Variants in CYP3A43 observed in about 807,000 individuals in gnomAD.
CYP3A43 encodes cytochrome P450 family 3 subfamily A member 43.
Under a neutral mutation model 58.0 loss-of-function variants are expected in CYP3A43, and 45 were observed. The ratio of observed to expected loss-of-function variants is 0.78; its 90% confidence interval spans 0.61 to 0.99. The LOEUF (loss-of-function observed/expected upper bound fraction) is 0.99, where lower values mean the gene tolerates loss of function less well. Among genes scored for constraint, CYP3A43 ranks in the 50% least tolerant of loss-of-function variants. The pLI is 0.00. For missense variants in CYP3A43, 593 were observed against 591.9 expected (o/e 1.00, Z -0.02); for synonymous variants, 191 against 201.4 (o/e 0.95, Z 0.44).
chr7:99,850,393 C>T (rs1281260930), intron 7 of CYP3A43, among the ~76,000 whole-genome samples: 1 of 152,018 alleles, frequency 6.6e-6, no homozygotes, highest in Non-Finnish European at 1.5e-5. Flanking sequence ...TCCCAAGTAG[C>T]TGAGACTACA....
chr7:99,858,003 A>T (rs562243624), intron 9 of CYP3A43, among the ~76,000 whole-genome samples: 1 of 152,294 alleles, frequency 6.6e-6, no homozygotes, highest in South Asian at 2.1e-4. Context: ...GTGAAAAGGG[A>T]AACAGTCTAT....
Position 99,849,554 on chromosome 7 carries a change from G to C in CYP3A43, c.530G>C (p.Gly177Ala), listed in dbSNP as rs773022175. 5 of 1,599,474 alleles carry C rather than the reference G, an allele frequency of 3.1e-6. No homozygotes were observed. The South Asian group carries it at 5.7e-5, about 18-fold the overall frequency. ...SKSINLKDFF[G>A]AYTMDVITGT... ...TGTTTTACTCTACTCAGTTTCTTTG[G>C]GGCCTACACCATGGATGTAATCACT... is the stretch of plus-strand genomic sequence containing the variant. Residue 177 changes from glycine (G) to alanine (A), a missense_variant, in exon 7 of 13, where the codon GGG (glycine) becomes GCG (alanine). By Grantham distance (60) the Gly-to-Ala change is moderately conservative. Coordinates refer to ENST00000354829, the MANE Select transcript of CYP3A43 (RefSeq NM_057095.3).
At chr7:99,833,825 A>G (rs970670364) in intron 1 of CYP3A43, among the ~76,000 whole-genome samples, 3 of 152,216 alleles carry the variant, frequency 2.0e-5, no homozygotes, top group African/African-American at 7.2e-5. Context: ...TTGCCTCTAT[A>G]GTTGACTGAA....
intron 2 of CYP3A43, chr7:99,838,637 A>G (rs1222640315): frequency 6.3e-6 from 8 of 1,279,534 alleles, no homozygotes; most frequent in Non-Finnish European, 6.1e-6. Context: ...TAAATTCTCC[A>G]TTTCAAATAT....
At chr7:99,849,173 C>T (rs1043614836) in intron 6 of CYP3A43, among the ~76,000 whole-genome samples, 4 of 152,118 alleles carry the variant, frequency 2.6e-5, no homozygotes, top group East Asian at 1.9e-4. Context: ...ATTGATTGGC[C>T]GAGAAAGAGT....
Position 99,865,051 on chromosome 7 carries a change from T to C in CYP3A43, c.1417-855T>C, listed in dbSNP as rs539875563. Among the ~76,000 whole-genome samples the C allele has an allele frequency of 2.0e-5, 3 of 148,504 alleles. No individual in the cohort carries two copies. In the East Asian group the frequency reaches 5.8e-4, roughly 29 times the overall value. On this transcript the variant is annotated intron_variant, in intron 12 of 12. Coordinates refer to ENST00000354829, the MANE Select transcript of CYP3A43 (RefSeq NM_057095.3). ...AGAATAGATAGGGTTTCAATCTTAT[T>C]TGTGGCTTTAGGGAAGCTGTACATC...
intron 8 of CYP3A43, 81 bp downstream of exon 8, chr7:99,855,799 A>C (rs1817954386): frequency 6.9e-7 from 1 of 1,447,096 alleles, no homozygotes; most frequent in Non-Finnish European, 9.3e-7. Context: ...TTGTGCACTT[A>C]TCTGTGTTTT....
At chr7:99,858,738 G>A (rs962142891) in intron 9 of CYP3A43, among the ~76,000 whole-genome samples, 1 of 151,318 alleles carries the variant, frequency 6.6e-6, no homozygotes, top group African/African-American at 2.4e-5. Flanking sequence ...TGTCACCCAG[G>A]CTGGAGTGAA....
At chr7:99,853,161 G>A (rs954653585) in intron 7 of CYP3A43, among the ~76,000 whole-genome samples, 1 of 152,166 alleles carries the variant, frequency 6.6e-6, no homozygotes. Context: ...GAAAGTGTTT[G>A]TAGAATGGAT....
chr7:99,863,527 G>C lies in CYP3A43; in HGVS notation c.1254-10G>C. 1 of 1,591,660 alleles carries C rather than the reference G, an allele frequency of 6.3e-7. No individual in the cohort carries two copies. Among genetic ancestry groups the C allele is most frequent in the Non-Finnish European group, 8.5e-7 (1 of 1,170,976 alleles). On this transcript the variant is annotated splice_polypyrimidine_tract_variant and intron_variant, in intron 11 of 12. Coordinates refer to ENST00000354829, the MANE Select transcript of CYP3A43 (RefSeq NM_057095.3). Reference sequence around the variant, plus strand: ...CATTAACTAGTTTTTATGTACTACTGTGAAAGTAGGTTCAGTAAGAAGAAC... The same window carrying C: ...CATTAACTAGTTTTTATGTACTACTCTGAAAGTAGGTTCAGTAAGAAGAAC...
chr7:99,838,145 C>T (rs189295657), intron 2 of CYP3A43, among the ~76,000 whole-genome samples: 19 of 152,304 alleles, frequency 1.2e-4, no homozygotes, highest in Non-Finnish European at 2.2e-4. Context: ...GAAGTGAAAA[C>T]TCTGAGTGAG....
At chr7:99,863,816 A>C in intron 12 of CYP3A43, 117 bp downstream of exon 12, 1 of 839,956 alleles carries the variant, frequency 1.2e-6, no homozygotes, top group Non-Finnish European at 1.7e-6. Context: ...CAAAGAATCT[A>C]ATTGGAGCTA....
intron 3 of CYP3A43, among the ~76,000 whole-genome samples, chr7:99,841,740 A>T (rs931299536): frequency 1.3e-5 from 2 of 152,074 alleles, no homozygotes; most frequent in Non-Finnish European, 2.9e-5. Context: ...TCTGTTACCC[A>T]GGTTGGTGCA....
At chr7:99,833,379 T>C (rs554937234) in intron 1 of CYP3A43, among the ~76,000 whole-genome samples, 3 of 152,264 alleles carry the variant, frequency 2.0e-5, no homozygotes, top group Admixed American at 6.5e-5. Context: ...ACAAACACAG[T>C]TATTCAATTG....
chr7:99,863,544 A>G lies in CYP3A43; in HGVS notation c.1261A>G (p.Lys421Glu), dbSNP rs60530906. The G allele has an allele frequency of 6.3e-7, 1 of 1,596,208 alleles. No individual in the cohort carries two copies. Among genetic ancestry groups the G allele is most frequent in the Non-Finnish European group, 8.5e-7 (1 of 1,174,434 alleles). ...GTACTACTGTGAAAGTAGGTTCAGT[A>G]AGAAGAACAAGGACAGCATAGATCT... ...PEKFCPERFS[K>E]KNKDSIDLYR... is the part of the protein sequence containing the mutation. The change falls in exon 12 of 13, where the codon AAG (lysine) becomes GAG (glutamate). Residue 421 changes from lysine (K) to glutamate (E), a missense_variant. Coordinates refer to ENST00000354829, the MANE Select transcript of CYP3A43 (RefSeq NM_057095.3).
intron 7 of CYP3A43, among the ~76,000 whole-genome samples, chr7:99,850,761 T>C (rs996603643): frequency 6.6e-6 from 1 of 152,264 alleles, no homozygotes; most frequent in African/African-American, 2.4e-5. Context: ...ATATGTGGTC[T>C]TTTGTGACTG....
chr7:99,840,441 A>C (rs111764181), intron 3 of CYP3A43, among the ~76,000 whole-genome samples: 1 of 152,214 alleles, frequency 6.6e-6, no homozygotes, highest in Non-Finnish European at 1.5e-5. Context: ...ATGAATATGT[A>C]ACTGACTTTT....
intron 10 of CYP3A43, among the ~76,000 whole-genome samples, chr7:99,860,355 G>A (rs1442305652): frequency 6.6e-6 from 1 of 152,214 alleles, no homozygotes; most frequent in African/African-American, 2.4e-5. Flanking sequence ...TCTGGCAGTG[G>A]TCTGATGGAA....
At chr7:99,851,775 TCTTCTTTGAA>T (rs1361164476) in intron 7 of CYP3A43, among the ~76,000 whole-genome samples, 2 of 152,244 alleles carry the variant, frequency 1.3e-5, no homozygotes, top group Non-Finnish European at 2.9e-5. Context: ...TTGAACTGTA[TCTTCTTTGAA>T]CTTCTTTGAA....
Sources: allele counts gnomAD v4.1 joint callset (sites outside exome capture counted in the v4.1 genomes callset), GRCh38; gene constraint gnomAD v4.1.1; transcripts MANE v1.5; gene names NCBI Gene and HGNC (gene_info 2026-07-23, HGNC 2026-07-21).